XIRP2: variants seen among roughly 807,000 people sequenced by gnomAD.
XIRP2 encodes the protein xin actin-binding repeat-containing protein 2.
In XIRP2, 236 loss-of-function variants were observed where a neutral mutation model predicts 277.0. That is an observed-to-expected ratio of 0.85 (90% CI 0.77 to 0.95). The LOEUF (loss-of-function observed/expected upper bound fraction) is 0.95. Ranked by LOEUF, XIRP2 falls within the 40% of genes least tolerant of loss-of-function variation. The pLI is 0.00. For synonymous variants in XIRP2, 1,490 were observed against 1,416.5 expected (o/e 1.05, Z -1.17); for missense variants, 4,640 against 4,157.5 (o/e 1.12, Z -3.19).
In XIRP2 at chr2:166,891,500, A is replaced by G. The variant is rs1436144213; in HGVS notation, c.-19+2943A>G. On this transcript the variant is annotated intron_variant, in intron 1 of 10. Coordinates refer to ENST00000409195, the MANE Select transcript of XIRP2 (RefSeq NM_152381.6). ...ATATATAATAATAAAGCTTTAGTTA[A>G]GTTTTTTCCTTAATATTGAAAATGC... 2.0e-5 allele frequency among the ~76,000 whole-genome samples: 3 copies of G among 152,294 alleles called. No homozygotes were observed. The South Asian group carries it at 6.2e-4, about 32-fold the overall frequency.
chr2:167,077,927 C>A (rs889308259), intron 2 of XIRP2, among the ~76,000 whole-genome samples: 1 of 152,072 alleles, frequency 6.6e-6, no homozygotes, highest in Non-Finnish European at 1.5e-5. Context: ...TGGCTTTTTT[C>A]TTTTTGCTTA....
At chr2:167,067,853 G>A (rs1441699567) in intron 2 of XIRP2, among the ~76,000 whole-genome samples, 1 of 152,108 alleles carries the variant, frequency 6.6e-6, no homozygotes. Context: ...GTCTTGGAGT[G>A]TTTTTCCTAT....
At chr2:167,154,503 T>C (rs1692123135) in intron 3 of XIRP2, among the ~76,000 whole-genome samples, 2 of 151,030 alleles carry the variant, frequency 1.3e-5, no homozygotes, top group East Asian at 1.9e-4. Flanking sequence ...TCCTGAATGG[T>C]AACGCCTAGG....
chr2:167,052,652 A>C (rs1688943780), intron 2 of XIRP2, among the ~76,000 whole-genome samples: 1 of 152,170 alleles, frequency 6.6e-6, no homozygotes, highest in Non-Finnish European at 1.5e-5. Context: ...GTCCAGATAG[A>C]TTATAATAAA....
intron 2 of XIRP2, among the ~76,000 whole-genome samples, chr2:167,084,147 T>G (rs957901288): frequency 2.0e-5 from 3 of 152,238 alleles, no homozygotes; most frequent in African/African-American, 4.8e-5. Context: ...GTTTTTAGCA[T>G]GAATTGTTGT....
At chr2:166,999,055 G>T (rs1170604024) in intron 2 of XIRP2, among the ~76,000 whole-genome samples, 1 of 151,924 alleles carries the variant, frequency 6.6e-6, no homozygotes, top group Non-Finnish European at 1.5e-5. Flanking sequence ...GTGAATTTTT[G>T]ATAAAATAAC....
At chr2:166,915,278 C>T (rs113791613) in intron 2 of XIRP2, among the ~76,000 whole-genome samples, 3,611 of 119,950 alleles carry the variant, frequency 0.03, 68 homozygotes, top group Middle Eastern at 0.092. Context: ...CCAGCCTGGG[C>T]GACACAGCAA....
intron 2 of XIRP2, among the ~76,000 whole-genome samples, chr2:167,069,835 C>T (rs181576199): frequency 3.3e-5 from 5 of 152,246 alleles, no homozygotes; most frequent in Admixed American, 1.3e-4. Flanking sequence ...TTGTATAATG[C>T]TCCACTTCCT....
intron 2 of XIRP2, among the ~76,000 whole-genome samples, chr2:166,928,077 CAA>C (rs1205011668): frequency 1.3e-5 from 2 of 152,062 alleles, no homozygotes; most frequent in African/African-American, 4.8e-5. Context: ...AGAACCAGCT[CAA>C]AGAGTTCCGT....
intron 2 of XIRP2, among the ~76,000 whole-genome samples, chr2:166,928,322 C>T (rs896437627): frequency 6.6e-6 from 1 of 152,072 alleles, no homozygotes; most frequent in Non-Finnish European, 1.5e-5. Flanking sequence ...AGCCAGTGAG[C>T]ACCACTGAGC....
intron 2 of XIRP2, among the ~76,000 whole-genome samples, chr2:167,049,663 T>A (rs992440377): frequency 2.6e-5 from 4 of 152,078 alleles, no homozygotes; most frequent in African/African-American, 9.6e-5. Context: ...ACATCCACGA[T>A]GAAGAAAAGC....
chr2:167,208,894 T>C (rs1052140305), intron 3 of XIRP2, among the ~76,000 whole-genome samples: 1 of 152,146 alleles, frequency 6.6e-6, no homozygotes, highest in Non-Finnish European at 1.5e-5. Flanking sequence ...TTCATTCACA[T>C]CAAAGTAAGA....
intron 9 of XIRP2, among the ~76,000 whole-genome samples, chr2:167,252,480 C>T (rs923111847): frequency 3.9e-5 from 6 of 151,912 alleles, no homozygotes; most frequent in African/African-American, 1.4e-4. Flanking sequence ...TCAACTATTG[C>T]TACTGAGTTG....
intron 2 of XIRP2, among the ~76,000 whole-genome samples, chr2:167,086,560 C>T (rs1306376818): frequency 6.6e-6 from 1 of 151,912 alleles, no homozygotes; most frequent in Non-Finnish European, 1.5e-5. Flanking sequence ...TTCCATTCTC[C>T]TCATCACTTT....
At chr2:167,204,443 G>C (rs1693802962) in intron 3 of XIRP2, among the ~76,000 whole-genome samples, 1 of 152,146 alleles carries the variant, frequency 6.6e-6, no homozygotes, top group African/African-American at 2.4e-5. Context: ...ATCAGAATTG[G>C]AGTTGTCACA....
chr2:167,094,804 T>C (rs191083307), intron 2 of XIRP2, among the ~76,000 whole-genome samples: 82 of 152,370 alleles, frequency 5.4e-4, no homozygotes, highest in African/African-American at 1.9e-3. Flanking sequence ...ATGCGGGCTC[T>C]TTTTTGGTTC....
intron 2 of XIRP2, among the ~76,000 whole-genome samples, chr2:166,929,586 C>T (rs1016222555): frequency 1.2e-4 from 18 of 152,018 alleles, no homozygotes; most frequent in Admixed American, 3.3e-4. Context: ...AATATTGTTG[C>T]AGTATTAATG....
intron 2 of XIRP2, among the ~76,000 whole-genome samples, chr2:167,024,123 T>A (rs1488141959): frequency 6.6e-6 from 1 of 152,126 alleles, no homozygotes; most frequent in Non-Finnish European, 1.5e-5. Flanking sequence ...GTATCCTTTA[T>A]TTCATTGAGC....
chr2:167,084,050 C>G (rs987294898), intron 2 of XIRP2, among the ~76,000 whole-genome samples: 6 of 151,790 alleles, frequency 4.0e-5, no homozygotes, highest in African/African-American at 7.3e-5. Context: ...CAGTTTTTGC[C>G]CATTCAGTAT....
Sources: gnomAD v4.1 joint callset for allele counts (sites outside exome capture counted in the v4.1 genomes callset) on GRCh38, gnomAD v4.1.1 for gene constraint, MANE v1.5 for transcripts, NCBI Gene and HGNC (gene_info 2026-07-23, HGNC 2026-07-21) for gene names.